The following GRIK4 variants were observed in gnomAD, a reference collection of about 807,000 sequenced individuals.
GRIK4 encodes glutamate receptor ionotropic, kainate 4.
Under a neutral mutation model 104.9 loss-of-function variants are expected in GRIK4, and 40 were observed. The observed-to-expected ratio is 0.38, with a 90% CI of 0.30 to 0.50. The LOEUF is 0.50. GRIK4 is among the 20% of genes least tolerant of loss of function. The pLI is 0.93. For synonymous variants in GRIK4, 485 were observed against 524.9 expected (o/e 0.92, Z 1.04); for missense variants, 1,047 against 1,308.1 (o/e 0.80, Z 3.08).
At chr11:120,797,683 G>A (rs749517392) in intron 3 of GRIK4, among the ~76,000 whole-genome samples, 12 of 152,184 alleles carry the variant, frequency 7.9e-5, no homozygotes, top group African/African-American at 2.9e-4. Flanking sequence ...ATTAAAAGTG[G>A]TCCCTGAATC....
At chr11:120,934,236 A>G (rs1472655494) in intron 13 of GRIK4, among the ~76,000 whole-genome samples, 1 of 144,946 alleles carries the variant, frequency 6.9e-6, no homozygotes, top group Admixed American at 6.8e-5. Context: ...AAAAAAGGTC[A>G]GCGTCATGGT....
intron 1 of GRIK4, among the ~76,000 whole-genome samples, chr11:120,594,503 A>T (rs1239885039): frequency 1.3e-5 from 2 of 152,140 alleles, no homozygotes; most frequent in Non-Finnish European, 2.9e-5. Flanking sequence ...ATAAATAAAT[A>T]AAATCGTAAC....
chr11:120,824,553 C>CTCTGTT (rs1953207751), intron 6 of GRIK4, among the ~76,000 whole-genome samples: 1 of 128,894 alleles, frequency 7.8e-6, no homozygotes, highest in Non-Finnish European at 1.7e-5. Context: ...TTTTTCTTTT[C>CTCTGTT]TTTTTTTTTT....
intron 1 of GRIK4, among the ~76,000 whole-genome samples, chr11:120,590,986 A>G (rs1252884412): frequency 1.3e-5 from 2 of 152,034 alleles, no homozygotes; most frequent in Non-Finnish European, 2.9e-5. Flanking sequence ...CCAAATGATG[A>G]TGGTCATTGC....
In GRIK4 at chr11:120,967,420, C is replaced by T. The variant is rs922857901; in HGVS notation, c.2395+97C>T. On this transcript the variant is annotated intron_variant, in intron 19 of 20. Coordinates refer to ENST00000527524, the MANE Select transcript of GRIK4 (RefSeq NM_014619.5). This position sits in a 1 kb window ranked among gnomAD's most constrained non-coding sequence, Gnocchi z 4.2. ...CAGGTACACATAATGACTTGTAGGACCCATTGAGAACGGCCTTGGAAGGAA... is the reference window on the plus strand; with the variant it reads ...CAGGTACACATAATGACTTGTAGGATCCATTGAGAACGGCCTTGGAAGGAA... 3 of 1,348,070 alleles carry T rather than the reference C, an allele frequency of 2.2e-6. No homozygotes were observed. The highest frequency in any genetic ancestry group is 2.4e-5 in the East Asian group (1 of 41,134). 83.5% of individuals were successfully genotyped at this position (1,348,070 alleles called of 1,614,324 possible). A position where few individuals can be genotyped will look rare whatever the true frequency, so the allele number is the denominator to read the frequency against.
At chr11:120,532,463 T>G (rs1392752069) in intron 1 of GRIK4, among the ~76,000 whole-genome samples, 1 of 152,216 alleles carries the variant, frequency 6.6e-6, no homozygotes, top group African/African-American at 2.4e-5. Flanking sequence ...AGACGTTTTG[T>G]GTAAATTAAT....
At chr11:120,715,354 T>C (rs1950809989) in intron 3 of GRIK4, among the ~76,000 whole-genome samples, 2 of 152,310 alleles carry the variant, frequency 1.3e-5, no homozygotes, top group South Asian at 4.1e-4. Flanking sequence ...ACAGACCTGT[T>C]TGAGCATCCG....
chr11:120,755,564 C>G (rs1951637410), intron 3 of GRIK4, among the ~76,000 whole-genome samples: 1 of 151,844 alleles, frequency 6.6e-6, no homozygotes, highest in South Asian at 2.1e-4. Context: ...GTGGTGATCA[C>G]ACCACTGCAC....
chr11:120,874,561 C>G (rs1023742377), intron 10 of GRIK4, among the ~76,000 whole-genome samples: 5 of 152,224 alleles, frequency 3.3e-5, no homozygotes, highest in African/African-American at 1.2e-4. Flanking sequence ...AAGGGTGGTG[C>G]TGCTGGAGAC....
intron 3 of GRIK4, among the ~76,000 whole-genome samples, chr11:120,793,791 T>C (rs1287320634): frequency 7.4e-6 from 1 of 135,830 alleles, no homozygotes; most frequent in Non-Finnish European, 1.6e-5. Flanking sequence ...AGCTGGGCAA[T>C]GTTTAGAGGT....
intron 16 of GRIK4, among the ~76,000 whole-genome samples, chr11:120,957,712 A>G (rs1162782587): frequency 1.3e-5 from 2 of 151,284 alleles, no homozygotes; most frequent in African/African-American, 4.9e-5. Context: ...AGCATACAGG[A>G]CTTACGACCT....
chr11:120,708,583 G>A (rs1472942082), intron 3 of GRIK4, among the ~76,000 whole-genome samples: 3 of 152,294 alleles, frequency 2.0e-5, no homozygotes, highest in East Asian at 1.9e-4. Flanking sequence ...GCCACATCCA[G>A]GGAGATGCCC....
chr11:120,552,854 G>T (rs1267140085), intron 1 of GRIK4, among the ~76,000 whole-genome samples: 3 of 152,150 alleles, frequency 2.0e-5, no homozygotes, highest in African/African-American at 7.2e-5. Context: ...ACAAAAGTTA[G>T]CTGGGCGTGG....
At chr11:120,716,045 G>A (rs1342238275) in intron 3 of GRIK4, among the ~76,000 whole-genome samples, 1 of 152,096 alleles carries the variant, frequency 6.6e-6, no homozygotes, top group African/African-American at 2.4e-5. Context: ...CAGGCAGGCT[G>A]GAGCCTGATG....
At chr11:120,648,302 C>T (rs1243822933) in intron 1 of GRIK4, among the ~76,000 whole-genome samples, 1 of 152,238 alleles carries the variant, frequency 6.6e-6, no homozygotes, top group Non-Finnish European at 1.5e-5. Context: ...CTTCTGTAAA[C>T]TGTGTCAAAT....
chr11:120,957,298 T>A (rs1050446131), intron 16 of GRIK4, among the ~76,000 whole-genome samples: 6 of 152,206 alleles, frequency 3.9e-5, no homozygotes, highest in Non-Finnish European at 5.9e-5. Flanking sequence ...ATATGCAGAT[T>A]TATGCAAGTA....
intron 1 of GRIK4, among the ~76,000 whole-genome samples, chr11:120,607,013 A>G (rs1374849471): frequency 6.6e-6 from 1 of 152,164 alleles, no homozygotes; most frequent in Non-Finnish European, 1.5e-5. Context: ...CACAAAGGTG[A>G]TGGAATTTGG....
intron 3 of GRIK4, among the ~76,000 whole-genome samples, chr11:120,761,126 T>A (rs1951741742): frequency 6.6e-6 from 1 of 152,236 alleles, no homozygotes; most frequent in Non-Finnish European, 1.5e-5. Flanking sequence ...CCTGACTTTT[T>A]AATGATCGTC....
At chr11:120,821,101 G>A (rs976057207) in intron 6 of GRIK4, among the ~76,000 whole-genome samples, 2 of 152,156 alleles carry the variant, frequency 1.3e-5, no homozygotes, top group Admixed American at 1.3e-4. Flanking sequence ...CTCAAATACA[G>A]GCCTCCTCAC....
Sources: gnomAD v4.1 joint callset for allele counts (sites outside exome capture counted in the v4.1 genomes callset) on GRCh38, gnomAD v4.1.1 for gene constraint, Gnocchi (gnomAD v3.1) non-coding constraint, MANE v1.5 for transcripts, NCBI Gene and HGNC (gene_info 2026-07-23, HGNC 2026-07-21) for gene names.